TMEM38B: variants seen among roughly 807,000 people sequenced by gnomAD.
The protein encoded by TMEM38B is trimeric intracellular cation channel type B.
TMEM38B carries 24 observed loss-of-function variants against 28.7 expected under a neutral mutation model. The ratio of observed to expected loss-of-function variants is 0.84; its 90% confidence interval spans 0.61 to 1.18. The LOEUF (loss-of-function observed/expected upper bound fraction) is 1.18. Among genes scored for constraint, TMEM38B ranks in the 50% most tolerant of loss-of-function variants. The pLI is 0.00. For missense variants in TMEM38B, 380 were observed against 350.9 expected, an observed-to-expected ratio of 1.08 and a Z score of -0.66; for synonymous variants, 131 against 127.7, an observed-to-expected ratio of 1.03 and a Z score of -0.17.
At chr9:105,773,801 T>C (rs1328264851) in intron 5 of TMEM38B, 64 bp from the exon 6 acceptor site, 1 of 1,504,910 alleles carries the variant, frequency 6.6e-7, no homozygotes, top group Non-Finnish European at 9.1e-7. Context: ...TTCCTTTTGT[T>C]TCTCTCTCTT....
intron 5 of TMEM38B, among the ~76,000 whole-genome samples, chr9:105,749,704 T>C (rs1455706799): frequency 6.6e-6 from 1 of 152,256 alleles, no homozygotes; most frequent in African/African-American, 2.4e-5. Context: ...TCGTATTCTT[T>C]AGAAGTCATT....
At chr9:105,760,450 CTAT>C in intron 5 of TMEM38B, 1 of 737,990 alleles carries the variant, frequency 1.4e-6, no homozygotes, top group Non-Finnish European at 2.5e-6. Context: ...TGGAGATGGA[CTAT>C]TTGTTCCTTT....
intron 4 of TMEM38B, among the ~76,000 whole-genome samples, chr9:105,727,223 C>T (rs903121955): frequency 2.0e-5 from 3 of 152,040 alleles, no homozygotes; most frequent in African/African-American, 7.2e-5. Context: ...CATTTCCTCC[C>T]CCGACCCTGC....
intron 5 of TMEM38B, among the ~76,000 whole-genome samples, chr9:105,751,272 G>T (rs186719345): frequency 3.3e-5 from 5 of 152,214 alleles, no homozygotes; most frequent in African/African-American, 9.6e-5. Context: ...CCACCTGGGA[G>T]CAGCATGGGG....
chr9:105,706,038 T>C lies in TMEM38B; in HGVS notation c.269+285T>C, dbSNP rs1035223955. Among the ~76,000 whole-genome samples, 46 of 151,836 alleles carry C rather than the reference T, an allele frequency of 3.0e-4. 1 individual carries two copies. Among genetic ancestry groups the C allele is most frequent in the Admixed American group, 2.7e-3 (41 of 15,216 alleles). ...GCCTCAACCTCTGGAGTAGCTGGAA[T>C]TACAGCACCCGCCCTCACGCATGGC... is the stretch of plus-strand genomic sequence containing the variant. On this transcript the variant is annotated intron_variant, in intron 2 of 5. Coordinates refer to ENST00000374692, the MANE Select transcript of TMEM38B (RefSeq NM_018112.3).
intron 5 of TMEM38B, among the ~76,000 whole-genome samples, chr9:105,757,564 A>C (rs1837876578): frequency 6.6e-6 from 1 of 152,234 alleles, no homozygotes; most frequent in Admixed American, 6.5e-5. Flanking sequence ...CATCTACACC[A>C]ATATTTTAAA....
In TMEM38B at chr9:105,694,703, A is replaced by G. The variant is rs138722007; in HGVS notation, c.43A>G (p.Thr15Ala). Residue 15 changes from threonine to alanine, a missense_variant, in exon 1 of 6, where the codon ACG becomes GCG. Transcript: ENST00000374692. The part of the protein sequence containing the change: ...WDELALAFSR[T>A]SMFPFFDIAH... ...CGAGTTGGCTCTGGCCTTCTCCCGC[A>G]CGTCCATGTTTCCCTTTTTTGACAT... 4 of 1,613,808 alleles carry G rather than the reference A, an allele frequency of 2.5e-6. No homozygotes were observed. The African/African-American group carries it at 5.3e-5, about 22-fold the overall frequency.
At chr9:105,760,869 T>G in intron 5 of TMEM38B, 2 of 587,540 alleles carry the variant, frequency 3.4e-6, no homozygotes, top group South Asian at 5.0e-5. Context: ...AATAAGCACA[T>G]TATGTAAGGA....
intron 5 of TMEM38B, chr9:105,760,088 A>G: frequency 1.0e-6 from 1 of 974,256 alleles, no homozygotes; most frequent in Non-Finnish European, 1.6e-6. Context: ...AGTTTGCTGC[A>G]ACCTCATTTA....
chr9:105,712,004 G>A (rs189981658), intron 2 of TMEM38B, among the ~76,000 whole-genome samples: 3 of 151,868 alleles, frequency 2.0e-5, no homozygotes, highest in Admixed American at 6.6e-5. Context: ...TGCAATTTCT[G>A]CCTCCCAGGT....
chr9:105,734,159 A>C (rs569511590), intron 4 of TMEM38B, among the ~76,000 whole-genome samples: 1 of 152,092 alleles, frequency 6.6e-6, no homozygotes, highest in Admixed American at 6.5e-5. Context: ...CATTTGTTTC[A>C]GAATATTTTT....
chr9:105,773,145 T>G (rs2133659012), intron 5 of TMEM38B, among the ~76,000 whole-genome samples: 1 of 152,304 alleles, frequency 6.6e-6, no homozygotes, highest in South Asian at 2.1e-4. Context: ...CCAGATTTAT[T>G]TTGGCATTAG....
At chr9:105,770,533 C>A (rs1471251397) in intron 5 of TMEM38B, among the ~76,000 whole-genome samples, 1 of 152,004 alleles carries the variant, frequency 6.6e-6, no homozygotes, top group Non-Finnish European at 1.5e-5. Flanking sequence ...AGTTCATTCA[C>A]CTAGGTTTTT....
intron 5 of TMEM38B, 118 bp from the exon 6 acceptor site, chr9:105,773,747 T>C: frequency 2.3e-6 from 2 of 886,214 alleles, no homozygotes; most frequent in South Asian, 3.5e-5. Context: ...CTAGCTTAGA[T>C]TGCTTCCCCT....
At chr9:105,767,423 C>T (rs1826412346) in intron 5 of TMEM38B, among the ~76,000 whole-genome samples, 1 of 152,146 alleles carries the variant, frequency 6.6e-6, no homozygotes, top group South Asian at 2.1e-4. Context: ...GGATAGTCTA[C>T]ATCTTTTATA....
intron 4 of TMEM38B, among the ~76,000 whole-genome samples, chr9:105,731,217 C>T (rs898857778): frequency 6.6e-6 from 1 of 151,840 alleles, no homozygotes; most frequent in Non-Finnish European, 1.5e-5. Flanking sequence ...TATAAATTTC[C>T]CTCTACACAC....
intron 4 of TMEM38B, among the ~76,000 whole-genome samples, chr9:105,741,842 T>C (rs1055064558): frequency 5.9e-5 from 9 of 152,206 alleles, no homozygotes; most frequent in African/African-American, 2.2e-4. Flanking sequence ...GATTGCAAAG[T>C]TGATAAAACT....
intron 1 of TMEM38B, among the ~76,000 whole-genome samples, chr9:105,699,589 G>T (rs1383141587): frequency 2.0e-5 from 3 of 152,158 alleles, no homozygotes; most frequent in African/African-American, 7.2e-5. Flanking sequence ...AGGTGTGAAG[G>T]ACTGCATCCC....
At chr9:105,741,609 G>A (rs572580748) in intron 4 of TMEM38B, among the ~76,000 whole-genome samples, 2 of 152,296 alleles carry the variant, frequency 1.3e-5, no homozygotes, top group African/African-American at 4.8e-5. Flanking sequence ...ACAATTGTTT[G>A]CCACAGTTGT....
Sources: allele counts gnomAD v4.1 joint callset (sites outside exome capture counted in the v4.1 genomes callset), GRCh38; gene constraint gnomAD v4.1.1; transcripts MANE v1.5; gene names NCBI Gene and HGNC (gene_info 2026-07-23, HGNC 2026-07-21).